Variants in JAK1 observed in about 807,000 individuals in gnomAD.
JAK1 encodes tyrosine-protein kinase JAK1.
In JAK1, 16 loss-of-function variants were observed where a neutral mutation model predicts 136.6. The ratio of observed to expected loss-of-function variants is 0.12; its 90% CI spans 0.08 to 0.18. The LOEUF (loss-of-function observed/expected upper bound fraction) is 0.18. Among genes scored for constraint, JAK1 ranks in the 10% least tolerant of loss-of-function variants. The pLI is 1.00. For missense variants in JAK1, 859 were observed against 1,450.1 expected, an observed-to-expected ratio of 0.59 and a Z score of 6.62; for synonymous variants, 492 against 519.5, an observed-to-expected ratio of 0.95 and a Z score of 0.72.
intron 1 of JAK1, among the ~76,000 whole-genome samples, chr1:64,942,682 C>T (rs970847270): frequency 3.6e-5 from 5 of 138,486 alleles, no homozygotes; most frequent in Non-Finnish European, 8.2e-5. Flanking sequence ...GACTTCAAGC[C>T]AAACATCAGC....
chr1:64,836,048 C>T, intron 23 of JAK1, 50 bp downstream of exon 23: 1 of 965,362 alleles, frequency 1.0e-6, no homozygotes, highest in Non-Finnish European at 1.7e-6. Flanking sequence ...GAGGGATGGA[C>T]ACATTTTAAA....
At position 64,908,055 on chromosome 1, in the gene JAK1, A is replaced by T. The variant is rs535405542; in HGVS notation, c.-77-21714T>A. ...AAAATGAAACTGGTAAAGAAAAAAA[A>T]GTGACAAAGTAGACTACTGACCTCC... On this transcript the variant is annotated intron_variant, in intron 1 of 24. Transcript: ENST00000342505. Among the ~76,000 whole-genome samples, 194 of 152,332 alleles carry T rather than the reference A, an allele frequency of 1.3e-3. 2 individuals are homozygous for T. The Middle Eastern group carries it at 0.024, about 19-fold the overall frequency.
intron 1 of JAK1, among the ~76,000 whole-genome samples, chr1:64,892,074 C>T (rs909616021): frequency 1.3e-5 from 2 of 152,202 alleles, no homozygotes; most frequent in Non-Finnish European, 2.9e-5. Flanking sequence ...TACCAAGAGA[C>T]TTTGTTACTT....
At chr1:64,913,707 G>GGAA (rs1377141591) in intron 1 of JAK1, among the ~76,000 whole-genome samples, 21 of 74,944 alleles carry the variant, frequency 2.8e-4, no homozygotes, top group African/African-American at 1.2e-3. Context: ...AAGGAAAGAA[G>GGAA]GGAGGGAGGG....
Position 64,855,615 on chromosome 1 carries a change from G to C in JAK1, c.1542C>G (p.Arg514=), listed in dbSNP as rs1429620170. ...KGRYSLHGSD[R]SFPSLGDLMS... Reference sequence around the variant, plus strand: ...TGAGGTCTCCCAAGCTGGGGAAGCTGCGGTCCGAACCGTGCAGACTGTAGC... The same window carrying C: ...TGAGGTCTCCCAAGCTGGGGAAGCTCCGGTCCGAACCGTGCAGACTGTAGC... Residue 514 remains arginine (R), a synonymous_variant, in exon 11 of 25, where the codon CGC becomes CGG. Transcript: ENST00000342505. 2 of 1,614,176 alleles carry C rather than the reference G, an allele frequency of 1.2e-6. No homozygotes were observed. The highest frequency in any genetic ancestry group is 2.7e-5 in the African/African-American group (2 of 75,038).
At chr1:64,847,988 T>C (rs549557362) in intron 12 of JAK1, 39 of 267,632 alleles carry the variant, frequency 1.5e-4, no homozygotes, top group African/African-American at 7.8e-4. Flanking sequence ...AACAGGGCCA[T>C]CAACAGCCAG....
chr1:64,950,092 A>C (rs566300440), intron 1 of JAK1, among the ~76,000 whole-genome samples: 12 of 152,290 alleles, frequency 7.9e-5, no homozygotes, highest in Non-Finnish European at 1.3e-4. Flanking sequence ...GTAAAAACAT[A>C]ACAGCTTCGT....
At chr1:65,032,141 T>G (rs1324272568) in intron 2 of JAK1, among the ~76,000 whole-genome samples, 1 of 152,024 alleles carries the variant, frequency 6.6e-6, no homozygotes, top group Non-Finnish European at 1.5e-5. Context: ...AATTTTTGTA[T>G]TTTTAGTAGA....
chr1:64,991,886 A>AT (rs1477498901), intron 2 of JAK1: 1 of 152,250 alleles, frequency 6.6e-6, no homozygotes, highest in Non-Finnish European at 1.5e-5. Flanking sequence ...AGAAGTAAAT[A>AT]TTATACACTG....
chr1:64,946,580 G>A (rs1197024215), intron 1 of JAK1, among the ~76,000 whole-genome samples: 1 of 152,188 alleles, frequency 6.6e-6, no homozygotes, highest in Admixed American at 6.5e-5. Flanking sequence ...TTGAGAAGGT[G>A]TTTGTTGAAT....
intron 2 of JAK1, among the ~76,000 whole-genome samples, chr1:65,038,337 T>C (rs1038988394): frequency 1.3e-5 from 2 of 151,614 alleles, no homozygotes; most frequent in Non-Finnish European, 2.9e-5. Context: ...TAGCTGGGAT[T>C]ACAGGCATGT....
At chr1:65,035,833 C>T (rs1647067552) in intron 2 of JAK1, among the ~76,000 whole-genome samples, 1 of 152,120 alleles carries the variant, frequency 6.6e-6, no homozygotes, top group South Asian at 2.1e-4. Flanking sequence ...CTTTGGGAGG[C>T]CGAGGCGGGC....
intron 20 of JAK1, among the ~76,000 whole-genome samples, chr1:64,839,149 A>AAAG (rs1654720742): frequency 6.7e-6 from 1 of 150,276 alleles, no homozygotes. Context: ...CCGTCTCAAA[A>AAAG]AAAAAAAAAA....
At chr1:65,012,226 G>A (rs910070603) in intron 2 of JAK1, among the ~76,000 whole-genome samples, 1 of 152,150 alleles carries the variant, frequency 6.6e-6, no homozygotes, top group Non-Finnish European at 1.5e-5. Context: ...AACTATGGTG[G>A]CCTGAGTCAT....
intron 1 of JAK1, among the ~76,000 whole-genome samples, chr1:64,904,841 A>T (rs985791852): frequency 3.3e-5 from 5 of 152,208 alleles, no homozygotes; most frequent in African/African-American, 1.2e-4. Context: ...CAGTGTTCAT[A>T]AAAGTAGGGG....
At chr1:64,976,575 C>G (rs1204810375) in intron 2 of JAK1, among the ~76,000 whole-genome samples, 1 of 152,182 alleles carries the variant, frequency 6.6e-6, no homozygotes. Flanking sequence ...TGGGATCACT[C>G]TCCTACTTTC....
chr1:64,965,840 G>T (rs1646364491), intron 1 of JAK1, among the ~76,000 whole-genome samples: 1 of 152,042 alleles, frequency 6.6e-6, no homozygotes, highest in Admixed American at 6.5e-5. Context: ...CGCTGAGACC[G>T]CAAGGAAGGA....
rs575856828 is a variant in JAK1, at chr1:65,064,825, AG to A, written c.-181+2778del. On this transcript the variant is annotated intron_variant, in intron 1 of 25. Transcript: ENST00000671954. Reference sequence around the variant, plus strand: ...TCTCTATCTAGAGCAGATTCTGCAGAGAGGCCCCTCTTTAATTCATATTCTG... The same window carrying A: ...TCTCTATCTAGAGCAGATTCTGCAGAAGGCCCCTCTTTAATTCATATTCTG... Among the ~76,000 whole-genome samples the A allele has an allele frequency of 3.6e-3, 555 of 152,276 alleles. 4 individuals are homozygous for A. Among genetic ancestry groups the A allele is most frequent in the African/African-American group, 0.013 (532 of 41,562 alleles).
At chr1:64,855,238 G>T (rs1372906520) in intron 11 of JAK1, among the ~76,000 whole-genome samples, 1 of 152,222 alleles carries the variant, frequency 6.6e-6, no homozygotes, top group Non-Finnish European at 1.5e-5. Context: ...AAGGAAGAAA[G>T]AAGTGATTTT....
Sources: allele counts gnomAD v4.1 joint callset (sites outside exome capture counted in the v4.1 genomes callset), GRCh38; gene constraint gnomAD v4.1.1; transcripts MANE v1.5; gene names NCBI Gene and HGNC (gene_info 2026-07-23, HGNC 2026-07-21).